The following CTNNA3 variants were observed in gnomAD, a reference collection of about 807,000 sequenced individuals.
The protein encoded by CTNNA3 is catenin alpha 3, also known as catenin alpha-3.
CTNNA3 carries 76 observed loss-of-function variants against 95.7 expected under a neutral mutation model. That is an observed-to-expected ratio of 0.79 (90% CI 0.66 to 0.96). CTNNA3 has a LOEUF of 0.96. CTNNA3 is among the 40% of genes least tolerant of loss of function. CTNNA3 has a pLI of 0.00. For synonymous variants in CTNNA3, 431 were observed against 374.4 expected, an observed-to-expected ratio of 1.15 and a Z score of -1.74; for missense variants, 1,191 against 1,089.8, an observed-to-expected ratio of 1.09 and a Z score of -1.31.
At chr10:67,375,998 T>C (rs1843674336) in intron 5 of CTNNA3, among the ~76,000 whole-genome samples, 1 of 152,048 alleles carries the variant, frequency 6.6e-6, no homozygotes, top group Admixed American at 6.6e-5. Context: ...CCTTCTACCT[T>C]GAGAGAACAG....
chr10:67,208,481 C>T lies in CTNNA3; in HGVS notation c.843+11126G>A, dbSNP rs753842371. ...ACTAGACAGTTGAAGACTTAAAGAGCGGAATGAAAATAGCTAACATCAAAA... is the reference window on the plus strand; with the variant it reads ...ACTAGACAGTTGAAGACTTAAAGAGTGGAATGAAAATAGCTAACATCAAAA... On this transcript the variant is annotated intron_variant, in intron 6 of 17. Coordinates refer to ENST00000433211, the MANE Select transcript of CTNNA3 (RefSeq NM_013266.4). 4.2e-4 allele frequency among the ~76,000 whole-genome samples: 63 copies of T among 151,424 alleles called. No individual in the cohort carries two copies. The Middle Eastern group carries it at 0.014, about 33-fold the overall frequency.
intron 9 of CTNNA3, among the ~76,000 whole-genome samples, chr10:66,667,980 G>A (rs1193684798): frequency 6.6e-6 from 1 of 152,062 alleles, no homozygotes; most frequent in African/African-American, 2.4e-5. Flanking sequence ...AAAATAAATT[G>A]TTTGATTTAC....
chr10:67,745,625 C>T (rs912141631), intron 1 of CTNNA3, among the ~76,000 whole-genome samples: 1 of 151,548 alleles, frequency 6.6e-6, no homozygotes. Context: ...CAAACCTGCA[C>T]GCTGTGCACA....
At chr10:66,427,349 T>G (rs912692870) in intron 11 of CTNNA3, among the ~76,000 whole-genome samples, 1 of 152,034 alleles carries the variant, frequency 6.6e-6, no homozygotes, top group African/African-American at 2.4e-5. Flanking sequence ...GGACTCACAG[T>G]ACTATCTTGG....
rs921542410 is a variant in CTNNA3 at position 65,976,019 on chromosome 10, G to A, written c.2266-9273C>T. On this transcript the variant is annotated intron_variant, in intron 16 of 17. Coordinates refer to ENST00000433211, the MANE Select transcript of CTNNA3 (RefSeq NM_013266.4). Reference sequence around the variant, plus strand: ...CACACAACACCCACAGTTTCATGAGGTAAGTGGAATCATTATCCTCATTTA... The same window carrying A: ...CACACAACACCCACAGTTTCATGAGATAAGTGGAATCATTATCCTCATTTA... 3.3e-5 allele frequency among the ~76,000 whole-genome samples: 5 copies of A among 152,158 alleles called. No homozygotes were observed. The Middle Eastern group carries it at 0.01, about 311-fold the overall frequency.
chr10:66,570,633 C>G (rs1164479027), intron 10 of CTNNA3, among the ~76,000 whole-genome samples: 9 of 151,494 alleles, frequency 5.9e-5, no homozygotes, highest in African/African-American at 1.9e-4. Context: ...AACAAACCAG[C>G]TAACTTGACT....
chr10:67,639,648 C>T (rs920516291), intron 2 of CTNNA3, among the ~76,000 whole-genome samples: 6 of 146,114 alleles, frequency 4.1e-5, no homozygotes, highest in African/African-American at 1.6e-4. Context: ...CATCAAAAAC[C>T]TTATCCACCA....
intron 11 of CTNNA3, among the ~76,000 whole-genome samples, chr10:66,501,936 G>A (rs1840291139): frequency 6.6e-6 from 1 of 152,120 alleles, no homozygotes; most frequent in South Asian, 2.1e-4. Context: ...GTAATAACAA[G>A]TATGAGAAAA....
In CTNNA3 at chr10:66,255,320, G is replaced by A. The variant is rs567911427; in HGVS notation, c.1884+25150C>T. Among the ~76,000 whole-genome samples, 102 of 152,198 alleles carry A rather than the reference G, an allele frequency of 6.7e-4. 1 individual carries two copies. Among genetic ancestry groups the A allele is most frequent in the Non-Finnish European group, 7.9e-4 (54 of 68,008 alleles). On this transcript the variant is annotated intron_variant, in intron 13 of 17. Transcript: ENST00000433211. ...GGCACTTCAGGAATCTTATAGTGCC[G>A]TATCTAAACCCAACATGGGTTCAAC...
chr10:66,185,870 A>G (rs747999434), intron 13 of CTNNA3, among the ~76,000 whole-genome samples: 10 of 151,994 alleles, frequency 6.6e-5, no homozygotes, highest in East Asian at 1.9e-4. Flanking sequence ...TATATTGTCA[A>G]TGTGAATATG....
intron 12 of CTNNA3, among the ~76,000 whole-genome samples, chr10:66,305,707 G>T (rs953102748): frequency 1.3e-5 from 2 of 152,142 alleles, no homozygotes; most frequent in African/African-American, 2.4e-5. Flanking sequence ...TTCATCTGAG[G>T]TTATAGAGCA....
chr10:67,247,393 C>T (rs1192827567), intron 5 of CTNNA3, among the ~76,000 whole-genome samples: 1 of 152,010 alleles, frequency 6.6e-6, no homozygotes, highest in Non-Finnish European at 1.5e-5. Flanking sequence ...ATTAAGAAAA[C>T]AATTCCACTT....
At chr10:66,017,625 C>T (rs539702151) in intron 15 of CTNNA3, among the ~76,000 whole-genome samples, 2 of 152,144 alleles carry the variant, frequency 1.3e-5, no homozygotes, top group African/African-American at 4.8e-5. Flanking sequence ...CAAGTGGCTT[C>T]CAGAGACTAA....
At chr10:66,451,849 A>G (rs1205128189) in intron 11 of CTNNA3, among the ~76,000 whole-genome samples, 1 of 152,218 alleles carries the variant, frequency 6.6e-6, no homozygotes, top group Non-Finnish European at 1.5e-5. Context: ...CTTCCTAAGC[A>G]TCCCGACAGG....
intron 9 of CTNNA3, among the ~76,000 whole-genome samples, chr10:66,628,285 T>A (rs1377913681): frequency 2.0e-5 from 3 of 152,116 alleles, no homozygotes; most frequent in Admixed American, 6.6e-5. Flanking sequence ...AAGTCCTGTG[T>A]ACAACTTAAT....
At chr10:66,594,235 T>C (rs1227961470) in intron 10 of CTNNA3, among the ~76,000 whole-genome samples, 7 of 152,098 alleles carry the variant, frequency 4.6e-5, no homozygotes, top group Non-Finnish European at 7.3e-5. Context: ...CATCCACTAA[T>C]TCCTATTACC....
chr10:66,287,280 A>G (rs1459599386), intron 12 of CTNNA3, among the ~76,000 whole-genome samples: 1 of 152,084 alleles, frequency 6.6e-6, no homozygotes, highest in Non-Finnish European at 1.5e-5. Context: ...GGGTAACAGA[A>G]TGAGAGCCCC....
chr10:67,713,663 T>C (rs1841125584), intron 1 of CTNNA3, among the ~76,000 whole-genome samples: 1 of 152,282 alleles, frequency 6.6e-6, no homozygotes, highest in South Asian at 2.1e-4. Context: ...GAAACCATCA[T>C]TGTCAGCAAA....
chr10:67,647,275 TAAC>T (rs1350631877), intron 2 of CTNNA3, 137 bp downstream of exon 2: 18 of 530,664 alleles, frequency 3.4e-5, no homozygotes, highest in Non-Finnish European at 4.7e-5. Flanking sequence ...TTTCACATCT[TAAC>T]AACTCTTTAA....
Sources: gnomAD v4.1 joint callset for allele counts (sites outside exome capture counted in the v4.1 genomes callset) on GRCh38, gnomAD v4.1.1 for gene constraint, MANE v1.5 for transcripts, NCBI Gene and HGNC (gene_info 2026-07-23, HGNC 2026-07-21) for gene names.